GALNT7: variants seen among roughly 807,000 people sequenced by gnomAD.
The protein encoded by GALNT7 is N-acetylgalactosaminyltransferase 7.
GALNT7 carries 60 observed loss-of-function variants against 82.1 expected under a neutral mutation model. That is an observed-to-expected ratio of 0.73 (90% CI 0.59 to 0.91). GALNT7 has a LOEUF of 0.91. Ranked by LOEUF, GALNT7 falls within the 40% of genes least tolerant of loss-of-function variation. The pLI is 0.00. For synonymous variants in GALNT7, 243 were observed against 275.1 expected, an observed-to-expected ratio of 0.88 and a Z score of 1.15; for missense variants, 660 against 804.2, an observed-to-expected ratio of 0.82 and a Z score of 2.17.
At chr4:173,316,637 A>T (rs1737616098) in intron 9 of GALNT7, 1 of 152,184 alleles carries the variant, frequency 6.6e-6, no homozygotes, top group African/African-American at 2.4e-5. Context: ...TTAATATTTG[A>T]TGATTGAATA....
At chr4:173,210,130 T>C (rs564382008) in intron 1 of GALNT7, among the ~76,000 whole-genome samples, 2 of 149,668 alleles carry the variant, frequency 1.3e-5, no homozygotes, top group South Asian at 4.2e-4. Flanking sequence ...CGAGACTCCG[T>C]CTCAAAAAAA....
chr4:173,216,629 C>T (rs1457436321), intron 1 of GALNT7, among the ~76,000 whole-genome samples: 2 of 148,834 alleles, frequency 1.3e-5, no homozygotes, highest in African/African-American at 5.0e-5. Context: ...GGTTGTGTTC[C>T]CCAGGTGTGA....
At chr4:173,208,063 T>C (rs1022949761) in intron 1 of GALNT7, among the ~76,000 whole-genome samples, 1 of 152,178 alleles carries the variant, frequency 6.6e-6, no homozygotes, top group African/African-American at 2.4e-5. Flanking sequence ...TCCTATTGAT[T>C]TGTAAGAGTT....
chr4:173,241,489 C>T (rs1734432797), intron 1 of GALNT7, among the ~76,000 whole-genome samples: 1 of 152,016 alleles, frequency 6.6e-6, no homozygotes, highest in Admixed American at 6.6e-5. Flanking sequence ...TTAAGAATTC[C>T]AAATGGTAAT....
At chr4:173,294,868 T>C (rs1736663389) in intron 3 of GALNT7, among the ~76,000 whole-genome samples, 1 of 152,234 alleles carries the variant, frequency 6.6e-6, no homozygotes, top group Non-Finnish European at 1.5e-5. Flanking sequence ...TTTTCTTATT[T>C]GCCAACTTGG....
chr4:173,236,177 G>A (rs548122621), intron 1 of GALNT7, among the ~76,000 whole-genome samples: 4 of 152,284 alleles, frequency 2.6e-5, no homozygotes, highest in South Asian at 4.1e-4. Flanking sequence ...GGAGAGAACC[G>A]TGAGGAGTCC....
chr4:173,217,519 T>G (rs1430134264), intron 1 of GALNT7, among the ~76,000 whole-genome samples: 1 of 152,222 alleles, frequency 6.6e-6, no homozygotes, highest in Non-Finnish European at 1.5e-5. Context: ...ATGTTTTAGT[T>G]TGTGCATTTT....
At chr4:173,204,823 T>G (rs1372156727) in intron 1 of GALNT7, among the ~76,000 whole-genome samples, 3 of 152,224 alleles carry the variant, frequency 2.0e-5, no homozygotes, top group Admixed American at 2.0e-4. Flanking sequence ...GGGCAGCTCC[T>G]AGGAGATCTT....
In GALNT7 at chr4:173,282,646, G is replaced by A. The variant is rs115095368; in HGVS notation, c.588-9462G>A. Among the ~76,000 whole-genome samples, 795 of 152,166 alleles carry A rather than the reference G, an allele frequency of 5.2e-3. 11 individuals carry two copies. Among genetic ancestry groups the A allele is most frequent in the African/African-American group, 0.018 (768 of 41,528 alleles). ...GATTCCTCCCGAGGCTGGTTTAAGG[G>A]TCCTCAGAAAAAAGGTGCGTTTAAT... is the stretch of plus-strand genomic sequence containing the variant. On this transcript the variant is annotated intron_variant, in intron 2 of 11. Coordinates refer to ENST00000265000, the MANE Select transcript of GALNT7 (RefSeq NM_017423.3).
intron 1 of GALNT7, among the ~76,000 whole-genome samples, chr4:173,217,202 A>G (rs1237733573): frequency 6.6e-6 from 1 of 152,156 alleles, no homozygotes; most frequent in Non-Finnish European, 1.5e-5. Context: ...TAAAAAATGC[A>G]TATACATGTA....
At chr4:173,318,605 C>T in intron 11 of GALNT7, 46 bp downstream of exon 11, 1 of 1,194,642 alleles carries the variant, frequency 8.4e-7, no homozygotes, top group Non-Finnish European at 1.2e-6. Flanking sequence ...TTTTCATTTT[C>T]AGTAACATCT....
intron 9 of GALNT7, among the ~76,000 whole-genome samples, chr4:173,315,115 A>T (rs984503928): frequency 6.6e-6 from 1 of 152,238 alleles, no homozygotes; most frequent in African/African-American, 2.4e-5. Context: ...AGGAGGTGAC[A>T]TTCGCTCTCA....
chr4:173,196,553 A>G (rs181237629), intron 1 of GALNT7, among the ~76,000 whole-genome samples: 54 of 152,276 alleles, frequency 3.5e-4, no homozygotes, highest in Non-Finnish European at 2.9e-5. Flanking sequence ...TTTTTCTTCA[A>G]CTTTTAAGTT....
intron 8 of GALNT7, among the ~76,000 whole-genome samples, chr4:173,307,247 G>A (rs148114645): frequency 1.3e-5 from 2 of 152,244 alleles, no homozygotes; most frequent in Non-Finnish European, 2.9e-5. Context: ...TTGTAGAGTG[G>A]CTGGGGAGCT....
chr4:173,171,477 C>T (rs867665089), intron 1 of GALNT7, among the ~76,000 whole-genome samples: 29 of 152,216 alleles, frequency 1.9e-4, no homozygotes, highest in Non-Finnish European at 4.4e-5. Flanking sequence ...CTCCATTCAC[C>T]CTGTGCCACT....
intron 2 of GALNT7, among the ~76,000 whole-genome samples, chr4:173,257,953 C>A (rs978022660): frequency 6.6e-6 from 1 of 152,186 alleles, no homozygotes; most frequent in Non-Finnish European, 1.5e-5. Flanking sequence ...AGAGTCCACA[C>A]GTGGTAAGCT....
intron 1 of GALNT7, among the ~76,000 whole-genome samples, chr4:173,195,953 A>G (rs1316976799): frequency 2.0e-5 from 3 of 152,242 alleles, no homozygotes; most frequent in Non-Finnish European, 4.4e-5. Flanking sequence ...TCAAGTTAAC[A>G]TGGACATGAC....
At chr4:173,224,780 A>G (rs1319969046) in intron 1 of GALNT7, among the ~76,000 whole-genome samples, 1 of 151,858 alleles carries the variant, frequency 6.6e-6, no homozygotes, top group Non-Finnish European at 1.5e-5. Flanking sequence ...TGGGAGGCCG[A>G]GGCGGGCGGA....
At chr4:173,184,216 C>T (rs1561145053) in intron 1 of GALNT7, among the ~76,000 whole-genome samples, 1 of 152,088 alleles carries the variant, frequency 6.6e-6, no homozygotes, top group Non-Finnish European at 1.5e-5. Context: ...GCAGAGGCTG[C>T]AATCTCGGCA....
Sources: gnomAD v4.1 joint callset for allele counts (sites outside exome capture counted in the v4.1 genomes callset) on GRCh38, gnomAD v4.1.1 for gene constraint, MANE v1.5 for transcripts, NCBI Gene and HGNC (gene_info 2026-07-23, HGNC 2026-07-21) for gene names.